The following FNDC7 variants were observed in gnomAD, a reference collection of about 807,000 sequenced individuals.
The protein encoded by FNDC7 is fibronectin type III domain-containing protein 7.
A neutral mutation model predicts 74.2 loss-of-function variants in FNDC7; 66 were observed. That is an observed-to-expected ratio of 0.89 (90% CI 0.73 to 1.09). FNDC7 has a LOEUF of 1.09. Ranked by LOEUF, FNDC7 falls within the 50% of genes least tolerant of loss-of-function variation. The pLI is 0.00. For synonymous variants in FNDC7, 307 were observed against 330.2 expected, an observed-to-expected ratio of 0.93 and a Z score of 0.76; for missense variants, 829 against 893.4, an observed-to-expected ratio of 0.93 and a Z score of 0.92.
chr1:108,726,132 C>G, intron 6 of FNDC7, 128 bp downstream of exon 6: 1 of 1,200,504 alleles, frequency 8.3e-7, no homozygotes, highest in Non-Finnish European at 1.2e-6. Context: ...AGAAAGTAAT[C>G]TCTTATCTCA....
chr1:108,731,009 A>C, intron 9 of FNDC7, 81 bp downstream of exon 9: 1 of 1,418,014 alleles, frequency 7.1e-7, no homozygotes, highest in Non-Finnish European at 9.4e-7. Flanking sequence ...CCTCATTTAA[A>C]AAGATGCTGC....
intron 5 of FNDC7, among the ~76,000 whole-genome samples, chr1:108,723,019 G>A (rs1229108445): frequency 6.6e-6 from 1 of 152,080 alleles, no homozygotes; most frequent in Non-Finnish European, 1.5e-5. Context: ...TTCTGAACAT[G>A]CGTTTAGATA....
chr1:108,722,388 G>C lies in FNDC7; in HGVS notation c.652G>C (p.Ala218Pro), dbSNP rs763287524. The C allele has an allele frequency of 6.2e-6, 10 of 1,614,138 alleles. No homozygotes were observed. The Admixed American group carries it at 1.5e-4, about 24-fold the overall frequency. Reference sequence around the variant, plus strand: ...CTCTTTCGATAGTGGAGCTCTGAAGGCATCTTTTTCCTGGGCACGGGCAGA... The same window carrying C: ...CTCTTTCGATAGTGGAGCTCTGAAGCCATCTTTTTCCTGGGCACGGGCAGA... Reference protein sequence around the residue: ...QVSFDSGALKASFSWARAEGA... With the variant: ...QVSFDSGALKPSFSWARAEGA... Residue 218 changes from alanine (A) to proline (P), a missense_variant, in exon 5 of 13, where the codon GCA becomes CCA. Transcript: ENST00000370017.
intron 10 of FNDC7, among the ~76,000 whole-genome samples, chr1:108,735,952 T>A (rs567686492): frequency 6.6e-6 from 1 of 152,240 alleles, no homozygotes; most frequent in Admixed American, 6.5e-5. Context: ...ACTATAGGCA[T>A]GCCCCACCAT....
chr1:108,741,654 G>A, intron 11 of FNDC7, 119 bp from the exon 12 acceptor site: 1 of 1,020,724 alleles, frequency 9.8e-7, no homozygotes, highest in South Asian at 1.4e-5. Flanking sequence ...GCCGTGAAGT[G>A]CTGCAAAAAT....
chr1:108,715,458 A>T (rs1434703537), intron 2 of FNDC7, among the ~76,000 whole-genome samples: 1 of 152,186 alleles, frequency 6.6e-6, no homozygotes, highest in Non-Finnish European at 1.5e-5. Context: ...ATAGGTGTTG[A>T]TCTCATTTCA....
intron 10 of FNDC7, among the ~76,000 whole-genome samples, chr1:108,733,938 C>G (rs765724699): frequency 2.0e-5 from 3 of 152,184 alleles, no homozygotes; most frequent in Admixed American, 6.5e-5. Context: ...GCATGAACCA[C>G]TGCACCCAGT....
chr1:108,713,628 A>G, intron 2 of FNDC7, 99 bp downstream of exon 2: 2 of 1,101,978 alleles, frequency 1.8e-6, no homozygotes, highest in Non-Finnish European at 2.6e-6. Context: ...CTATATGAGA[A>G]AAAAAAATTC....
chr1:108,728,542 C>A, intron 7 of FNDC7, 90 bp from the exon 8 acceptor site: 1 of 1,499,056 alleles, frequency 6.7e-7, no homozygotes, highest in Non-Finnish European at 9.2e-7. Context: ...CTGTGATGAT[C>A]TCACTGGGGG....
intron 6 of FNDC7, 128 bp downstream of exon 6, chr1:108,726,132 C>T (rs1661216557): frequency 8.3e-7 from 1 of 1,200,504 alleles, no homozygotes; most frequent in East Asian, 2.4e-5. Context: ...AGAAAGTAAT[C>T]TCTTATCTCA....
At chr1:108,731,019 C>T in intron 9 of FNDC7, 91 bp downstream of exon 9, 1 of 1,349,764 alleles carries the variant, frequency 7.4e-7, no homozygotes, top group Non-Finnish European at 1.0e-6. Flanking sequence ...AAAGATGCTG[C>T]ATCTCCACCT....
At chr1:108,732,339 C>T (rs1661405186) in intron 9 of FNDC7, among the ~76,000 whole-genome samples, 1 of 31,552 alleles carries the variant, frequency 3.2e-5, no homozygotes. Flanking sequence ...GAGACTCCGT[C>T]TCAAAAAAAA....
intron 11 of FNDC7, among the ~76,000 whole-genome samples, chr1:108,739,870 A>G (rs1353142104): frequency 1.3e-5 from 2 of 152,014 alleles, no homozygotes; most frequent in African/African-American, 2.4e-5. Context: ...ACTCTCTTGA[A>G]GTAGATATTT....
intron 1 of FNDC7, 91 bp downstream of exon 1, chr1:108,713,087 G>T: frequency 2.6e-6 from 3 of 1,145,968 alleles, no homozygotes; most frequent in Non-Finnish European, 3.8e-6. Flanking sequence ...AGGAGTTGGG[G>T]AATAGGGAGA....
chr1:108,719,054 G>T lies in FNDC7; in HGVS notation c.598+5G>T, dbSNP rs1038120815. On this transcript the variant is annotated splice_donor_5th_base_variant and intron_variant, in intron 4 of 12. Coordinates refer to ENST00000370017, the MANE Select transcript of FNDC7 (RefSeq NM_001144937.3). The stretch of plus-strand genomic sequence containing the variant: ...CCACCTGCAATCAGAGAACAAGTAA[G>T]AACTTCTCAGCTCAGCCTCGAACAA... 6.4e-7 allele frequency: 1 copy of T among 1,551,986 alleles called. No homozygotes were observed. Among genetic ancestry groups the T allele is most frequent in the Non-Finnish European group, 8.7e-7 (1 of 1,146,972 alleles).
At chr1:108,716,320 GGTGTGTGTGTGTGTGT>G (rs141850435) in intron 2 of FNDC7, among the ~76,000 whole-genome samples, 36 of 95,692 alleles carry the variant, frequency 3.8e-4, no homozygotes, top group African/African-American at 8.0e-4. Flanking sequence ...GCAGAAGAGA[GGTGTGTGTGTGTGTGT>G]GTGTGTGTGT....
In FNDC7 at chr1:108,737,029, G is replaced by A. The variant is rs181938434; in HGVS notation, c.2141-466G>A. ...GTCACCCAGGCTGGAGTGCAATGGC[G>A]CAATCTCAGCTCACTGCAAACTCCG... On this transcript the variant is annotated intron_variant, in intron 10 of 12. Transcript: ENST00000370017. Among the ~76,000 whole-genome samples, 616 of 141,344 alleles carry A rather than the reference G, an allele frequency of 4.4e-3. 7 individuals carry two copies. The highest frequency in any genetic ancestry group is 0.015 in the African/African-American group (587 of 38,132). The allele number at this position is 141,344 out of a possible 152,430, so 92.7% of individuals were successfully genotyped here.
rs142706173 is a variant in FNDC7 at position 108,727,842 on chromosome 1, G to C, written c.1146G>C (p.Leu382Phe). ...GTCCTAGTGACATTAACCCCGTGTTGGTGTCCAGTGACAGAGTTGAGATTG... is the reference window on the plus strand; with the variant it reads ...GTCCTAGTGACATTAACCCCGTGTTCGTGTCCAGTGACAGAGTTGAGATTG... ...PCCPSDINPV[L>F]VSSDRVEIVW... The change falls in exon 7 of 13, where the codon TTG becomes TTC. Residue 382 changes from leucine (L) to phenylalanine (F), a missense_variant. Leu to Phe is a conservative substitution (Grantham distance 22). Transcript: ENST00000370017. 167 of 1,614,144 alleles carry C rather than the reference G, an allele frequency of 1.0e-4. No homozygotes were observed. The African/African-American group carries it at 1.8e-3, about 18-fold the overall frequency.
intron 4 of FNDC7, among the ~76,000 whole-genome samples, chr1:108,719,696 G>A (rs1661054930): frequency 1.3e-5 from 2 of 151,908 alleles, no homozygotes; most frequent in African/African-American, 2.4e-5. Context: ...GGACTCTGCA[G>A]CATTACAACT....
Sources: gnomAD v4.1 joint callset for allele counts (sites outside exome capture counted in the v4.1 genomes callset) on GRCh38, gnomAD v4.1.1 for gene constraint, MANE v1.5 for transcripts, NCBI Gene and HGNC (gene_info 2026-07-23, HGNC 2026-07-21) for gene names.